RBFOX1: variants seen among roughly 807,000 people sequenced by gnomAD.
RBFOX1 encodes the protein RNA binding fox-1 homolog 1.
In RBFOX1, 8 loss-of-function variants were observed where a neutral mutation model predicts 57.7. The ratio of observed to expected loss-of-function variants is 0.14; its 90% CI spans 0.08 to 0.25. The LOEUF is 0.25. Ranked by LOEUF, RBFOX1 falls within the 10% of genes least tolerant of loss-of-function variation. The pLI is 1.00. For missense variants in RBFOX1, 611 were observed against 548.5 expected (o/e 1.11, Z -1.14); for synonymous variants, 326 against 222.4 (o/e 1.47, Z -4.15).
chr16:5,856,195 A>C (rs868654621), intron 3 of RBFOX1, among the ~76,000 whole-genome samples: 91 of 60,208 alleles, frequency 1.5e-3, no homozygotes, highest in Non-Finnish European at 2.4e-3. Context: ...CTCTATATAT[A>C]TATATATATA....
At chr16:5,799,337 G>A (rs187269890) in intron 3 of RBFOX1, among the ~76,000 whole-genome samples, 3 of 152,106 alleles carry the variant, frequency 2.0e-5, no homozygotes, top group Admixed American at 6.6e-5. Flanking sequence ...TTTGGGTGGG[G>A]ACATAGCCAA....
At chr16:6,808,903 C>G (rs565990873) in intron 3 of RBFOX1, among the ~76,000 whole-genome samples, 1 of 152,290 alleles carries the variant, frequency 6.6e-6, no homozygotes, top group South Asian at 2.1e-4. Context: ...AATCCCAAAG[C>G]AAGATGTTAA....
chr16:6,887,006 C>A (rs190129507), intron 3 of RBFOX1, among the ~76,000 whole-genome samples: 1 of 152,056 alleles, frequency 6.6e-6, no homozygotes, highest in Admixed American at 6.6e-5. Context: ...ATTTTTTCCA[C>A]TTTCTGGTTT....
At chr16:5,900,092 A>T (rs2058269944) in intron 4 of RBFOX1, among the ~76,000 whole-genome samples, 1 of 152,158 alleles carries the variant, frequency 6.6e-6, no homozygotes, top group African/African-American at 2.4e-5. Context: ...ACCAAACAAA[A>T]CAAAACCAGG....
chr16:5,474,363 C>A (rs911330871), intron 2 of RBFOX1, among the ~76,000 whole-genome samples: 1 of 152,134 alleles, frequency 6.6e-6, no homozygotes, highest in East Asian at 1.9e-4. Flanking sequence ...TTAAAAAATA[C>A]CCCTGGACGG....
intron 2 of RBFOX1, among the ~76,000 whole-genome samples, chr16:6,633,606 G>T (rs1384191120): frequency 6.6e-6 from 1 of 152,096 alleles, no homozygotes; most frequent in Non-Finnish European, 1.5e-5. Flanking sequence ...ATGTTCTGGA[G>T]TCTTTAAATC....
chr16:5,963,797 TA>T (rs1276818276), intron 4 of RBFOX1, among the ~76,000 whole-genome samples: 2 of 152,166 alleles, frequency 1.3e-5, no homozygotes, highest in Non-Finnish European at 2.9e-5. Context: ...CCTAAAGCCA[TA>T]AGACTCCTAG....
intron 3 of RBFOX1, among the ~76,000 whole-genome samples, chr16:5,861,613 T>A (rs1388361116): frequency 6.6e-6 from 1 of 152,210 alleles, no homozygotes; most frequent in East Asian, 1.9e-4. Context: ...TAGATATCCT[T>A]GACGAACATA....
At chr16:5,353,834 A>T (rs1187065334) in intron 1 of RBFOX1, among the ~76,000 whole-genome samples, 1 of 151,950 alleles carries the variant, frequency 6.6e-6, no homozygotes, top group African/African-American at 2.4e-5. Flanking sequence ...TGTGGGGTCC[A>T]CAAGATGCTG....
intron 4 of RBFOX1, among the ~76,000 whole-genome samples, chr16:5,927,905 C>T (rs1356660720): frequency 6.6e-6 from 1 of 151,944 alleles, no homozygotes; most frequent in Non-Finnish European, 1.5e-5. Flanking sequence ...CATCAAAATC[C>T]TGGAAACAGA....
intron 4 of RBFOX1, among the ~76,000 whole-genome samples, chr16:7,173,925 C>G (rs1404741126): frequency 6.6e-6 from 1 of 152,180 alleles, no homozygotes; most frequent in Non-Finnish European, 1.5e-5. Context: ...CAAAACGTAT[C>G]CCACCCTGGG....
chr16:6,647,454 G>A (rs566985950), intron 2 of RBFOX1, among the ~76,000 whole-genome samples: 23 of 152,012 alleles, frequency 1.5e-4, no homozygotes, highest in African/African-American at 5.3e-4. Context: ...CACCTTGTTG[G>A]CCACGTTGGT....
intron 2 of RBFOX1, among the ~76,000 whole-genome samples, chr16:6,619,326 C>G (rs1399940815): frequency 5.3e-5 from 8 of 152,236 alleles, no homozygotes; most frequent in Admixed American, 4.6e-4. Flanking sequence ...TATCTTGGTA[C>G]AAGGGAAAAC....
intron 3 of RBFOX1, among the ~76,000 whole-genome samples, chr16:5,847,256 G>T (rs918003793): frequency 6.6e-6 from 1 of 151,772 alleles, no homozygotes; most frequent in Non-Finnish European, 1.5e-5. Context: ...TAGGGGGAAG[G>T]ACACATAGTT....
intron 2 of RBFOX1, among the ~76,000 whole-genome samples, chr16:6,480,993 A>T (rs1057503254): frequency 7.2e-5 from 11 of 152,204 alleles, no homozygotes; most frequent in African/African-American, 2.7e-4. Flanking sequence ...AATAGCAATT[A>T]TATCCAAACA....
intron 3 of RBFOX1, among the ~76,000 whole-genome samples, chr16:6,809,788 C>G (rs1387202193): frequency 2.4e-5 from 3 of 127,342 alleles, no homozygotes; most frequent in Admixed American, 8.6e-5. Flanking sequence ...TTTTAAAAAA[C>G]ACTTCAGCTG....
At chr16:5,464,959 C>T (rs981244577) in intron 1 of RBFOX1, among the ~76,000 whole-genome samples, 1 of 152,120 alleles carries the variant, frequency 6.6e-6, no homozygotes, top group Non-Finnish European at 1.5e-5. Flanking sequence ...AGGGCAGAGA[C>T]CCACCTGAGC....
At chr16:7,504,360 C>T (rs986869906) in intron 4 of RBFOX1, among the ~76,000 whole-genome samples, 4 of 151,906 alleles carry the variant, frequency 2.6e-5, no homozygotes, top group South Asian at 2.1e-4. Flanking sequence ...TCATCATTAA[C>T]GTGATTAATC....
intron 3 of RBFOX1, among the ~76,000 whole-genome samples, chr16:6,877,529 C>G (rs978313814): frequency 6.6e-6 from 1 of 152,140 alleles, no homozygotes. Flanking sequence ...CATCGACTCT[C>G]AGTGCTTGGA....
Sources: gnomAD v4.1 joint callset for allele counts (sites outside exome capture counted in the v4.1 genomes callset) on GRCh38, gnomAD v4.1.1 for gene constraint, MANE v1.5 for transcripts, NCBI Gene and HGNC (gene_info 2026-07-23, HGNC 2026-07-21) for gene names.